The following PPFIA2 variants were observed in gnomAD, a reference collection of about 807,000 sequenced individuals.
PPFIA2 encodes the protein liprin-alpha-2.
A neutral mutation model predicts 175.5 loss-of-function variants in PPFIA2; 46 were observed. That is an observed-to-expected ratio of 0.26 (90% CI 0.21 to 0.34). The LOEUF (loss-of-function observed/expected upper bound fraction) is 0.34, where lower values mean the gene tolerates loss of function less well. Ranked by LOEUF, PPFIA2 falls within the 10% of genes least tolerant of loss-of-function variation. The pLI, the probability that PPFIA2 is intolerant of heterozygous loss-of-function variation, is 1.00. For missense variants in PPFIA2, 1,179 were observed against 1,506.1 expected, an observed-to-expected ratio of 0.78 and a Z score of 3.60; for synonymous variants, 568 against 511.4, an observed-to-expected ratio of 1.11 and a Z score of -1.49.
chr12:81,384,274 A>C, intron 8 of PPFIA2, 30 bp from the exon 9 acceptor site: 1 of 1,321,698 alleles, frequency 7.6e-7, no homozygotes, highest in Middle Eastern at 1.9e-4. Flanking sequence ...AATGGCACTT[A>C]AGAATTTTCA....
chr12:81,380,727 T>A (rs1344573651), intron 9 of PPFIA2, among the ~76,000 whole-genome samples: 1 of 152,144 alleles, frequency 6.6e-6, no homozygotes, highest in East Asian at 1.9e-4. Context: ...GGGAACTGCA[T>A]AGATCTTTGG....
intron 21 of PPFIA2, among the ~76,000 whole-genome samples, chr12:81,335,305 G>A (rs1275421376): frequency 1.3e-5 from 2 of 152,170 alleles, no homozygotes; most frequent in Admixed American, 6.5e-5. Context: ...CATGGTCATT[G>A]TGCTGTCAAG....
intron 4 of PPFIA2, among the ~76,000 whole-genome samples, chr12:81,539,981 C>T (rs1230695241): frequency 6.6e-6 from 1 of 151,960 alleles, no homozygotes; most frequent in Non-Finnish European, 1.5e-5. Context: ...TTTAAACATC[C>T]AGGCATTATT....
chr12:81,295,396 G>T (rs2046208609), intron 23 of PPFIA2, among the ~76,000 whole-genome samples: 1 of 152,130 alleles, frequency 6.6e-6, no homozygotes, highest in Non-Finnish European at 1.5e-5. Flanking sequence ...CTCAATTAAT[G>T]TTTGCTTAAT....
intron 4 of PPFIA2, among the ~76,000 whole-genome samples, chr12:81,483,834 T>C (rs1039217965): frequency 6.6e-6 from 1 of 152,102 alleles, no homozygotes; most frequent in Non-Finnish European, 1.5e-5. Flanking sequence ...TTTAATGAAA[T>C]TTCTGCTGTA....
At chr12:81,262,077 T>C (rs750047916) in intron 31 of PPFIA2, 37 bp from the exon 32 acceptor site, 14 of 1,394,896 alleles carry the variant, frequency 1.0e-5, no homozygotes, top group Non-Finnish European at 1.4e-5. Context: ...GGGACTTGGA[T>C]GATTGAGTAC....
chr12:81,634,423 T>C (rs2063755226), intron 4 of PPFIA2, among the ~76,000 whole-genome samples: 1 of 152,068 alleles, frequency 6.6e-6, no homozygotes, highest in African/African-American at 2.4e-5. Flanking sequence ...CAGAGCACGT[T>C]TCTGGCCTTT....
intron 14 of PPFIA2, 136 bp downstream of exon 14, chr12:81,366,972 T>G (rs1260515792): frequency 1.9e-6 from 2 of 1,045,326 alleles, no homozygotes; most frequent in Non-Finnish European, 2.6e-6. Context: ...CTGCACATAT[T>G]CTAAAAAGTT....
intron 4 of PPFIA2, among the ~76,000 whole-genome samples, chr12:81,651,594 T>C (rs2067030134): frequency 6.6e-6 from 1 of 152,122 alleles, no homozygotes; most frequent in Non-Finnish European, 1.5e-5. Context: ...GTTACTTCAG[T>C]GGTGTTATGA....
At chr12:81,743,411 CAAAAAAAAAAAAAAAA>C (rs772497730) in intron 3 of PPFIA2, among the ~76,000 whole-genome samples, 7 of 24,852 alleles carry the variant, frequency 2.8e-4, no homozygotes, top group South Asian at 2.9e-3. Context: ...GACTCCGTCT[CAAAAAAAAAAAAAAAA>C]AAAAAAAAAA....
At chr12:81,628,492 T>A (rs1339918760) in intron 4 of PPFIA2, among the ~76,000 whole-genome samples, 1 of 150,514 alleles carries the variant, frequency 6.6e-6, no homozygotes, top group Non-Finnish European at 1.5e-5. Context: ...TTCTCCTGTC[T>A]CAGCCTCCTA....
At chr12:81,469,367 C>A (rs1026317694) in intron 4 of PPFIA2, among the ~76,000 whole-genome samples, 2 of 152,092 alleles carry the variant, frequency 1.3e-5, no homozygotes, top group Admixed American at 6.6e-5. Context: ...AAAAAGACAT[C>A]GTAAATAGAA....
At chr12:81,566,904 G>A (rs911547068) in intron 4 of PPFIA2, among the ~76,000 whole-genome samples, 1 of 152,214 alleles carries the variant, frequency 6.6e-6, no homozygotes, top group Non-Finnish European at 1.5e-5. Context: ...GTACATACGT[G>A]TGTACTGTAA....
chr12:81,375,844 A>G lies in PPFIA2; in HGVS notation c.1083T>C (p.Asn361=), dbSNP rs755431124. ...QRESTSIHDM[N]DKLENELANK... is the part of the protein sequence containing the mutation. ...TTGCTAACTCATTTTCTAGTTTATC[A>G]TTCATGTCATGTATGGAGGTAGATT... The change falls in exon 10 of 33, where the codon AAT becomes AAC. Residue 361 remains asparagine (N), a synonymous_variant. Coordinates refer to ENST00000549396, the MANE Select transcript of PPFIA2 (RefSeq NM_003625.5). The G allele has an allele frequency of 2.5e-6, 4 of 1,609,372 alleles. No individual in the cohort carries two copies. In the South Asian group the frequency reaches 3.3e-5, roughly 13 times the overall value.
chr12:81,433,641 A>C (rs2048483660), intron 7 of PPFIA2, among the ~76,000 whole-genome samples: 1 of 152,220 alleles, frequency 6.6e-6, no homozygotes, highest in South Asian at 2.1e-4. Context: ...TTTATTGAGC[A>C]TACTGAATGT....
intron 4 of PPFIA2, among the ~76,000 whole-genome samples, chr12:81,625,046 G>T (rs946474782): frequency 6.6e-6 from 1 of 151,568 alleles, no homozygotes; most frequent in East Asian, 1.9e-4. Context: ...ATGTCACTAC[G>T]ATCCCTAAAT....
intron 7 of PPFIA2, among the ~76,000 whole-genome samples, chr12:81,432,017 G>A (rs1364261448): frequency 6.6e-6 from 1 of 151,774 alleles, no homozygotes; most frequent in Non-Finnish European, 1.5e-5. Flanking sequence ...TCCTCCCTTT[G>A]GTAATATTAC....
At chr12:81,510,767 G>C (rs2061687719) in intron 4 of PPFIA2, among the ~76,000 whole-genome samples, 1 of 151,884 alleles carries the variant, frequency 6.6e-6, no homozygotes, top group Non-Finnish European at 1.5e-5. Flanking sequence ...GTTTTGTATA[G>C]TCATCATAAA....
intron 30 of PPFIA2, 36 bp downstream of exon 30, chr12:81,266,916 T>C: frequency 1.4e-6 from 2 of 1,470,440 alleles, no homozygotes; most frequent in Non-Finnish European, 1.9e-6. Context: ...TTTCTTTTAC[T>C]CTCTCAGATC....
Sources: allele counts gnomAD v4.1 joint callset (sites outside exome capture counted in the v4.1 genomes callset), GRCh38; gene constraint gnomAD v4.1.1; transcripts MANE v1.5; gene names NCBI Gene and HGNC (gene_info 2026-07-23, HGNC 2026-07-21).